The following MAGI1 variants were observed in gnomAD, a reference collection of about 807,000 sequenced individuals.
The protein encoded by MAGI1 is membrane associated guanylate kinase, WW and PDZ domain containing 1.
MAGI1 carries 58 observed loss-of-function variants against 139.9 expected under a neutral mutation model. That is an observed-to-expected ratio of 0.41 (90% CI 0.34 to 0.52). The LOEUF is 0.52. MAGI1 is among the 20% of genes least tolerant of loss of function. The probability of loss-of-function intolerance (pLI) is 0.12; values close to 1 mark genes in which losing one functional copy is unlikely to be tolerated. For synonymous variants in MAGI1, 812 were observed against 737.9 expected, an observed-to-expected ratio of 1.10 and a Z score of -1.63; for missense variants, 1,874 against 1,901.6, an observed-to-expected ratio of 0.99 and a Z score of 0.27.
chr3:65,811,572 A>T (rs773499687), intron 1 of MAGI1, among the ~76,000 whole-genome samples: 2 of 152,194 alleles, frequency 1.3e-5, no homozygotes, highest in Non-Finnish European at 2.9e-5. Context: ...CCAGCTAGTC[A>T]GTCTCTGTGG....
intron 2 of MAGI1, among the ~76,000 whole-genome samples, chr3:65,516,349 T>G (rs1222938336): frequency 6.6e-6 from 1 of 151,938 alleles, no homozygotes. Context: ...CCGGCTAATT[T>G]CTGTATTTTT....
chr3:65,780,551 A>G (rs2038849587), intron 1 of MAGI1, among the ~76,000 whole-genome samples: 2 of 152,312 alleles, frequency 1.3e-5, no homozygotes, highest in Admixed American at 1.3e-4. Context: ...TCAATACTCA[A>G]ACTCAATATT....
intron 2 of MAGI1, among the ~76,000 whole-genome samples, chr3:65,537,946 C>T (rs559521693): frequency 1.3e-5 from 2 of 151,942 alleles, no homozygotes; most frequent in African/African-American, 4.8e-5. Flanking sequence ...GGTGAAACCT[C>T]GTCTCTACTA....
intron 1 of MAGI1, among the ~76,000 whole-genome samples, chr3:65,628,038 C>T (rs2084079813): frequency 6.6e-6 from 1 of 152,098 alleles, no homozygotes; most frequent in Admixed American, 6.6e-5. Context: ...CTATAAATGT[C>T]ATTGTAATGC....
At chr3:65,781,218 A>G (rs1321979809) in intron 1 of MAGI1, among the ~76,000 whole-genome samples, 2 of 152,120 alleles carry the variant, frequency 1.3e-5, no homozygotes, top group East Asian at 3.9e-4. Context: ...AACAAAATTT[A>G]AAAGTTAAAA....
At chr3:65,648,013 T>C (rs1298090882) in intron 1 of MAGI1, among the ~76,000 whole-genome samples, 1 of 152,194 alleles carries the variant, frequency 6.6e-6, no homozygotes, top group Non-Finnish European at 1.5e-5. Flanking sequence ...TAAACTGTCT[T>C]GTTATTCCTC....
In MAGI1 at chr3:65,453,305, C is replaced by G; in HGVS notation, c.995G>C (p.Arg332Pro). The change falls in exon 6 of 23, where the codon CGG becomes CCG. Residue 332 changes from arginine to proline, a missense_variant. Physicochemically the swap from Arg to Pro is moderately radical, Grantham distance 103 (BLOSUM62 -2). Transcript: ENST00000402939. Reference sequence around the variant, plus strand: ...TGGCTTCTGCTGCTTGTTTAGGCACCGAGGGTCTAACCAAGATGTTGTTTT... The same window carrying G: ...TGGCTTCTGCTGCTTGTTTAGGCACGGAGGGTCTAACCAAGATGTTGTTTT... ...NTKTTSWLDP[R>P]CLNKQQKPLE... The G allele has an allele frequency of 6.2e-7, 1 of 1,611,780 alleles. No individual in the cohort carries two copies. Among genetic ancestry groups the G allele is most frequent in the Non-Finnish European group, 8.5e-7 (1 of 1,179,692 alleles).
chr3:65,931,774 A>C (rs1267593540), intron 1 of MAGI1, among the ~76,000 whole-genome samples: 4 of 152,216 alleles, frequency 2.6e-5, no homozygotes, highest in Non-Finnish European at 5.9e-5. Flanking sequence ...AAAACCTGCC[A>C]TTACATGTGG....
chr3:65,941,368 T>C (rs377445801), intron 1 of MAGI1, among the ~76,000 whole-genome samples: 18 of 151,988 alleles, frequency 1.2e-4, no homozygotes, highest in Admixed American at 1.2e-3. Flanking sequence ...AAGAATTATA[T>C]TGCCCCTAGT....
At chr3:65,372,174 A>C (rs928665138) in intron 18 of MAGI1, among the ~76,000 whole-genome samples, 1 of 152,246 alleles carries the variant, frequency 6.6e-6, no homozygotes, top group African/African-American at 2.4e-5. Flanking sequence ...TTTCTTAAAT[A>C]GTAAGACTTA....
chr3:65,829,202 G>A (rs1364423862), intron 1 of MAGI1, among the ~76,000 whole-genome samples: 1 of 152,298 alleles, frequency 6.6e-6, no homozygotes, highest in East Asian at 1.9e-4. Context: ...AGCAGCAACA[G>A]AAAATTAATA....
At chr3:65,504,819 C>A (rs1004627385) in intron 2 of MAGI1, among the ~76,000 whole-genome samples, 1 of 152,162 alleles carries the variant, frequency 6.6e-6, no homozygotes, top group East Asian at 1.9e-4. Context: ...GAAAGTCAAC[C>A]TGAACATGAA....
intron 1 of MAGI1, among the ~76,000 whole-genome samples, chr3:65,932,364 G>A (rs1002839989): frequency 6.6e-6 from 1 of 152,062 alleles, no homozygotes; most frequent in Non-Finnish European, 1.5e-5. Context: ...TCAGTTTCAC[G>A]AAACAAAAAT....
At chr3:65,508,353 G>T (rs761272427) in intron 2 of MAGI1, among the ~76,000 whole-genome samples, 1 of 151,976 alleles carries the variant, frequency 6.6e-6, no homozygotes, top group Non-Finnish European at 1.5e-5. Context: ...GCAGTGAGCC[G>T]AGATTGCGCC....
chr3:65,982,145 T>C lies in MAGI1; in HGVS notation c.313+55851A>G, dbSNP rs749793966. On this transcript the variant is annotated intron_variant, in intron 1 of 22. Transcript: ENST00000402939. Reference sequence around the variant, plus strand: ...AGTGCCATTTTGACCAGAGCTGGATTTACTCTAACAAGTGCCTGCACCTCT... The same window carrying C: ...AGTGCCATTTTGACCAGAGCTGGATCTACTCTAACAAGTGCCTGCACCTCT... 1.1e-4 allele frequency among the ~76,000 whole-genome samples: 17 copies of C among 152,192 alleles called. 1 individual carries two copies. The highest frequency in any genetic ancestry group is 8.5e-4 in the Admixed American group (13 of 15,278).
chr3:65,619,042 A>G (rs1386131590), intron 2 of MAGI1, among the ~76,000 whole-genome samples: 1 of 152,246 alleles, frequency 6.6e-6, no homozygotes, highest in Non-Finnish European at 1.5e-5. Context: ...TAAAGGGAAG[A>G]TAAAAGGGGA....
At chr3:65,872,628 C>T (rs967791817) in intron 1 of MAGI1, among the ~76,000 whole-genome samples, 12 of 152,120 alleles carry the variant, frequency 7.9e-5, no homozygotes, top group Non-Finnish European at 1.6e-4. Flanking sequence ...ATAAATAGAG[C>T]AGCTTTATTG....
intron 1 of MAGI1, among the ~76,000 whole-genome samples, chr3:65,653,604 T>G (rs962171562): frequency 6.6e-6 from 1 of 152,156 alleles, no homozygotes; most frequent in African/African-American, 2.4e-5. Flanking sequence ...CAAATTGCAT[T>G]TAACAATTCC....
chr3:65,994,060 G>C (rs568487527), intron 1 of MAGI1, among the ~76,000 whole-genome samples: 3 of 152,200 alleles, frequency 2.0e-5, no homozygotes, highest in Non-Finnish European at 4.4e-5. Context: ...GATCACTAAA[G>C]GTCTGGAGTT....
Sources: allele counts gnomAD v4.1 joint callset (sites outside exome capture counted in the v4.1 genomes callset), GRCh38; gene constraint gnomAD v4.1.1; transcripts MANE v1.5; gene names NCBI Gene and HGNC (gene_info 2026-07-23, HGNC 2026-07-21).